ANAPC1: variants seen among roughly 807,000 people sequenced by gnomAD.
ANAPC1 encodes the protein anaphase promoting complex subunit 1.
Under a neutral mutation model 208.0 loss-of-function variants are expected in ANAPC1, and 36 were observed. That is an observed-to-expected ratio of 0.17 (90% CI 0.13 to 0.23). ANAPC1 has a LOEUF of 0.23. Ranked by LOEUF, ANAPC1 falls within the 10% of genes least tolerant of loss-of-function variation. The pLI, the probability that ANAPC1 is intolerant of heterozygous loss-of-function variation, is 1.00. For missense variants in ANAPC1, 942 were observed against 2,011.6 expected (o/e 0.47, Z 10.17); for synonymous variants, 378 against 695.2 (o/e 0.54, Z 7.18).
intron 6 of ANAPC1, among the ~76,000 whole-genome samples, chr2:111,871,827 G>A (rs929382161): frequency 6.6e-6 from 1 of 152,302 alleles, no homozygotes; most frequent in South Asian, 2.1e-4. Flanking sequence ...CTATTGATCT[G>A]TGTACATTGA....
intron 8 of ANAPC1, among the ~76,000 whole-genome samples, chr2:111,864,525 C>T (rs1682293919): frequency 7.8e-6 from 1 of 128,830 alleles, no homozygotes; most frequent in Non-Finnish European, 1.6e-5. Flanking sequence ...AGTGCAGTGG[C>T]ATGATCTTGG....
intron 44 of ANAPC1, chr2:111,779,027 G>C (rs1381593237): frequency 8.0e-4 from 152 of 190,768 alleles, no homozygotes; most frequent in African/African-American, 2.5e-3. Flanking sequence ...AAAATGAGTA[G>C]ATAGGACATC....
chr2:111,810,661 TC>T (rs1255563698), intron 28 of ANAPC1, among the ~76,000 whole-genome samples: 1 of 146,512 alleles, frequency 6.8e-6, no homozygotes, highest in African/African-American at 2.5e-5. Flanking sequence ...AGCGGGCAGA[TC>T]ACCTGAGATC....
Position 111,858,317 on chromosome 2 carries a change from C to A in ANAPC1, c.1347G>T (p.Gln449His). 1 of 1,613,172 alleles carries A rather than the reference C, an allele frequency of 6.2e-7. No homozygotes were observed. The highest frequency in any genetic ancestry group is 8.5e-7 in the Non-Finnish European group (1 of 1,179,410). The change falls in exon 11 of 48, where the codon CAG becomes CAT. Residue 449 changes from glutamine (Q) to histidine (H), a missense_variant. Transcript: ENST00000341068. The stretch of plus-strand genomic sequence containing the variant: ...AGACATACACCTACCGTAACTGGAG[C>A]TGGGACTCTACTAAAAAGCACAGGA... ...QKFLCFLVES[Q>H]LQLRCVKFQE...
chr2:111,862,237 T>G, intron 10 of ANAPC1, 152 bp downstream of exon 10: 1 of 778,840 alleles, frequency 1.3e-6, no homozygotes, highest in South Asian at 2.7e-5. Context: ...TATCCTCTAC[T>G]GAAACTGAGG....
rs1680376040 is a variant in ANAPC1 at position 111,834,811 on chromosome 2, C to A, written c.2177G>T (p.Arg726Ile). Residue 726 changes from arginine to isoleucine, a missense_variant, in exon 19 of 48, where the codon AGA becomes ATA. Physicochemically the swap from Arg to Ile is moderately conservative, Grantham distance 97. Coordinates refer to ENST00000341068, the MANE Select transcript of ANAPC1 (RefSeq NM_022662.4). ...HQNVESHLLN[R>I]SLCLSPSEAS... ...TTCTGAAGGACTCAGACATAAAGAT[C>A]TGTTCAAAAGATGAGACTCAACATT... 6.2e-7 allele frequency: 1 copy of A among 1,611,768 alleles called. No homozygotes were observed. Among genetic ancestry groups the A allele is most frequent in the South Asian group, 1.1e-5 (1 of 90,878 alleles).
intron 16 of ANAPC1, 52 bp from the exon 17 acceptor site, chr2:111,843,651 T>C: frequency 1.4e-6 from 2 of 1,470,572 alleles, no homozygotes; most frequent in Non-Finnish European, 1.8e-6. Flanking sequence ...TGCATTTCTT[T>C]TCCCCTTTCA....
chr2:111,877,884 C>T (rs1683101599), intron 3 of ANAPC1, among the ~76,000 whole-genome samples: 1 of 152,126 alleles, frequency 6.6e-6, no homozygotes, highest in Non-Finnish European at 1.5e-5. Flanking sequence ...ATATAATTCT[C>T]TATTGCCTAT....
At position 111,847,159 on chromosome 2, in the gene ANAPC1, C is replaced by T. The variant is rs546975863; in HGVS notation, c.1831G>A (p.Glu611Lys). 3.7e-6 allele frequency: 6 copies of T among 1,610,696 alleles called. No individual in the cohort carries two copies. Among genetic ancestry groups the T allele is most frequent in the Non-Finnish European group, 5.1e-6 (6 of 1,179,062 alleles). ...GTACCTAACTCAGAGGTGGCAATTTCAGGAATAGTGATCCTAACCATGGAG... is the reference window on the plus strand; with the variant it reads ...GTACCTAACTCAGAGGTGGCAATTTTAGGAATAGTGATCCTAACCATGGAG... ...NGSMVRITIP[E>K]IATSELVQTC... The change falls in exon 16 of 48, where the codon GAA becomes AAA. Residue 611 changes from glutamate to lysine, a missense_variant. Glu to Lys is a moderately conservative substitution (Grantham distance 56, BLOSUM62 1). Coordinates refer to ENST00000341068, the MANE Select transcript of ANAPC1 (RefSeq NM_022662.4).
rs543501867 is a variant in ANAPC1, at chr2:111,873,515, C to T, written c.427+98G>A. The T allele has an allele frequency of 3.3e-5, 49 of 1,477,260 alleles. No homozygotes were observed. The South Asian group carries it at 5.8e-4, about 18-fold the overall frequency. 91.5% of individuals were successfully genotyped at this position (1,477,260 alleles called of 1,614,324 possible). ...ACAATATAAAGATGCTTATGGTAAACCACTATTACTAGTGGCTACTTCATT... is the reference window on the plus strand; with the variant it reads ...ACAATATAAAGATGCTTATGGTAAATCACTATTACTAGTGGCTACTTCATT... On this transcript the variant is annotated intron_variant, in intron 4 of 47. Coordinates refer to ENST00000341068, the MANE Select transcript of ANAPC1 (RefSeq NM_022662.4).
intron 18 of ANAPC1, among the ~76,000 whole-genome samples, chr2:111,837,624 C>T (rs1403282896): frequency 7.5e-6 from 1 of 132,968 alleles, no homozygotes; most frequent in Admixed American, 7.6e-5. Flanking sequence ...AAAAAAAAAA[C>T]CACACAAGGA....
Position 111,833,243 on chromosome 2 carries a change from C to T in ANAPC1, c.2453G>A (p.Gly818Glu), listed in dbSNP as rs1423276957. Residue 818 changes from glycine (G) to glutamate (E), a missense_variant, in exon 20 of 48, where the codon GGA (glycine) becomes GAA (glutamate). Coordinates refer to ENST00000341068, the MANE Select transcript of ANAPC1 (RefSeq NM_022662.4). ...ACCTGGATCAATTGTGCACACTTGT[C>T]CAGTAGTTCTGACAAGCGTTGGGTA... ...RDYPTLVRTT[G>E]QVCTIDPGQT... 2.5e-6 allele frequency: 4 copies of T among 1,599,956 alleles called. No homozygotes were observed. The highest frequency in any genetic ancestry group is 8.6e-7 in the Non-Finnish European group (1 of 1,169,226).
At chr2:111,770,059 G>A (rs1226294121) in intron 47 of ANAPC1, among the ~76,000 whole-genome samples, 1 of 146,284 alleles carries the variant, frequency 6.8e-6, no homozygotes, top group Non-Finnish European at 1.5e-5. Context: ...TCATGTTGGT[G>A]CTCAAAACGT....
At chr2:111,827,989 A>G (rs2104449714) in intron 21 of ANAPC1, among the ~76,000 whole-genome samples, 1 of 152,292 alleles carries the variant, frequency 6.6e-6, no homozygotes, top group Middle Eastern at 3.4e-3. Flanking sequence ...AGTTTTACTG[A>G]AAAGACATTC....
chr2:111,849,389 G>C (rs934273788), intron 14 of ANAPC1, among the ~76,000 whole-genome samples: 2 of 152,052 alleles, frequency 1.3e-5, no homozygotes, highest in Admixed American at 6.6e-5. Flanking sequence ...TTCCCCCTTT[G>C]AATGTTCTGC....
intron 39 of ANAPC1, among the ~76,000 whole-genome samples, chr2:111,787,439 TG>T (rs1192461291): frequency 6.6e-6 from 1 of 151,200 alleles, no homozygotes; most frequent in Non-Finnish European, 1.5e-5. Context: ...GGTTATACAT[TG>T]TAGTGTAGTT....
intron 19 of ANAPC1, among the ~76,000 whole-genome samples, chr2:111,833,835 G>A (rs988611545): frequency 1.4e-4 from 21 of 152,058 alleles, no homozygotes; most frequent in African/African-American, 4.8e-4. Context: ...AAACTGCCAT[G>A]TCTCAGGATT....
At chr2:111,808,789 G>A (rs1678825244) in intron 29 of ANAPC1, among the ~76,000 whole-genome samples, 158 bp downstream of exon 29, 1 of 151,856 alleles carries the variant, frequency 6.6e-6, no homozygotes, top group Non-Finnish European at 1.5e-5. Flanking sequence ...ATTACTTAGA[G>A]TTTTGTTGTT....
Position 111,858,470 on chromosome 2 carries a change from A to G in ANAPC1, c.1263-69T>C, listed in dbSNP as rs1444418487. ...AGAATCTACCACAGTAACTATTAAAAGTCTTTGAGGCCGGGCGCGGTGGCT... is the reference window on the plus strand; with the variant it reads ...AGAATCTACCACAGTAACTATTAAAGGTCTTTGAGGCCGGGCGCGGTGGCT... On this transcript the variant is annotated intron_variant, in intron 10 of 47. Coordinates refer to ENST00000341068, the MANE Select transcript of ANAPC1 (RefSeq NM_022662.4). 8 of 1,397,504 alleles carry G rather than the reference A, an allele frequency of 5.7e-6. No individual in the cohort carries two copies. In the Admixed American group the frequency reaches 9.3e-5, roughly 16 times the overall value. 86.6% of individuals were successfully genotyped at this position (1,397,504 alleles called of 1,614,324 possible).
Sources: allele counts gnomAD v4.1 joint callset (sites outside exome capture counted in the v4.1 genomes callset), GRCh38; gene constraint gnomAD v4.1.1; transcripts MANE v1.5; gene names NCBI Gene and HGNC (gene_info 2026-07-23, HGNC 2026-07-21).